Variants in ANK1 observed in about 807,000 individuals in gnomAD.
ANK1 encodes the protein ankyrin-1.
Under a neutral mutation model 210.4 loss-of-function variants are expected in ANK1, and 51 were observed. The observed-to-expected ratio is 0.24, with a 90% CI of 0.19 to 0.31. ANK1 has a LOEUF of 0.31. ANK1 is among the 10% of genes least tolerant of loss of function. The pLI, the probability that ANK1 is intolerant of heterozygous loss-of-function variation, is 1.00. For missense variants in ANK1, 2,051 were observed against 2,504.4 expected, an observed-to-expected ratio of 0.82 and a Z score of 3.86; for synonymous variants, 967 against 1,025.9, an observed-to-expected ratio of 0.94 and a Z score of 1.10.
intron 1 of ANK1, among the ~76,000 whole-genome samples, chr8:41,842,748 G>C (rs1319310731): frequency 6.6e-6 from 1 of 152,196 alleles, no homozygotes; most frequent in Non-Finnish European, 1.5e-5. Flanking sequence ...CTGGGCATTG[G>C]AAGGCGTGGA....
intron 1 of ANK1, among the ~76,000 whole-genome samples, chr8:41,888,446 G>A (rs376549682): frequency 9.3e-4 from 141 of 152,376 alleles, no homozygotes; most frequent in African/African-American, 3.2e-3. Context: ...AGCCAGGAGA[G>A]AGCTGCGGAG....
chr8:41,662,432 GC>G (rs1808718318), intron 40 of ANK1, among the ~76,000 whole-genome samples: 1 of 152,230 alleles, frequency 6.6e-6, no homozygotes, highest in Non-Finnish European at 1.5e-5. Context: ...CTGCTAGACA[GC>G]CCTGAAGGGG....
At chr8:41,859,640 C>T (rs543395752) in intron 1 of ANK1, among the ~76,000 whole-genome samples, 222 of 152,374 alleles carry the variant, frequency 1.5e-3, no homozygotes, top group African/African-American at 5.1e-3. Context: ...GGGCTGCGCC[C>T]AGCCTTAGTG....
chr8:41,736,995 C>T (rs1297840967), intron 2 of ANK1, among the ~76,000 whole-genome samples: 4 of 152,156 alleles, frequency 2.6e-5, no homozygotes, highest in East Asian at 1.9e-4. Flanking sequence ...GTTTTCTCCC[C>T]GCTAAAAACT....
chr8:41,682,738 G>A (rs539710649), intron 37 of ANK1, among the ~76,000 whole-genome samples: 2 of 152,340 alleles, frequency 1.3e-5, no homozygotes, highest in African/African-American at 4.8e-5. Flanking sequence ...ATGTGGCTCT[G>A]GTGGCCCATT....
chr8:41,868,991 T>A (rs1236903294), intron 1 of ANK1, among the ~76,000 whole-genome samples: 1 of 152,158 alleles, frequency 6.6e-6, no homozygotes, highest in East Asian at 1.9e-4. Context: ...AATATTTACG[T>A]AAAACCATTT....
chr8:41,764,960 A>G (rs889908353), intron 1 of ANK1, among the ~76,000 whole-genome samples: 2 of 152,214 alleles, frequency 1.3e-5, no homozygotes, highest in Non-Finnish European at 2.9e-5. Flanking sequence ...TAACTTGTCC[A>G]AAGTCACATA....
At chr8:41,823,637 G>A (rs1202362936) in intron 1 of ANK1, among the ~76,000 whole-genome samples, 3 of 151,948 alleles carry the variant, frequency 2.0e-5, no homozygotes, top group Admixed American at 6.6e-5. Flanking sequence ...GGTGGCATGA[G>A]TCTGTAGTTC....
chr8:41,870,883 C>T (rs1234178602), intron 1 of ANK1, among the ~76,000 whole-genome samples: 1 of 152,166 alleles, frequency 6.6e-6, no homozygotes, highest in Admixed American at 6.5e-5. Context: ...GCTTGGCGAA[C>T]ACTCCTTCTG....
chr8:41,660,643 C>T (rs1807751671), intron 42 of ANK1: 1 of 426,808 alleles, frequency 2.3e-6, no homozygotes, highest in South Asian at 1.7e-5. Flanking sequence ...GCTCTGTGGC[C>T]ACACTGCCCC....
intron 1 of ANK1, among the ~76,000 whole-genome samples, chr8:41,864,001 T>C (rs904691452): frequency 6.6e-6 from 1 of 152,118 alleles, no homozygotes; most frequent in African/African-American, 2.4e-5. Flanking sequence ...TCCCAGCACT[T>C]TGGGAGGCCG....
chr8:41,771,568 ACT>A (rs1483514329), intron 1 of ANK1, among the ~76,000 whole-genome samples: 2 of 152,052 alleles, frequency 1.3e-5, no homozygotes, highest in Non-Finnish European at 2.9e-5. Context: ...AAGGCTAAAG[ACT>A]CTCGGCAGAC....
intron 3 of ANK1, among the ~76,000 whole-genome samples, chr8:41,732,610 G>A (rs111685774): frequency 0.017 from 2,598 of 151,686 alleles, 72 homozygotes; most frequent in African/African-American, 0.057. Flanking sequence ...ATGGGGTTTC[G>A]CCATGTTGGC....
chr8:41,848,336 C>T (rs1281515529), intron 1 of ANK1, among the ~76,000 whole-genome samples: 4 of 152,192 alleles, frequency 2.6e-5, no homozygotes, highest in African/African-American at 9.7e-5. Flanking sequence ...AACTTTCCAC[C>T]GTAGAGTAAG....
chr8:41,869,004 TA>T (rs1814995708), intron 1 of ANK1, among the ~76,000 whole-genome samples: 1 of 152,218 alleles, frequency 6.6e-6, no homozygotes, highest in Non-Finnish European at 1.5e-5. Context: ...AACCATTTCC[TA>T]TTCGTTGGCA....
At chr8:41,812,851 G>A (rs1587144914) in intron 1 of ANK1, among the ~76,000 whole-genome samples, 2 of 152,142 alleles carry the variant, frequency 1.3e-5, no homozygotes, top group Non-Finnish European at 2.9e-5. Context: ...ACTCCTATGA[G>A]AATCTGATGC....
intron 1 of ANK1, among the ~76,000 whole-genome samples, chr8:41,805,564 A>G (rs530058889): frequency 6.6e-6 from 1 of 152,224 alleles, no homozygotes; most frequent in East Asian, 1.9e-4. Context: ...GCTTTTTCTT[A>G]AATGTGACTT....
At chr8:41,776,684 T>C (rs1210598275) in intron 1 of ANK1, among the ~76,000 whole-genome samples, 1 of 152,084 alleles carries the variant, frequency 6.6e-6, no homozygotes, top group Admixed American at 6.6e-5. Flanking sequence ...ACTGCAGAGG[T>C]TTCCTCTCTC....
At chr8:41,799,557 A>G (rs1214517576), upstream of ANK1, among the ~76,000 whole-genome samples, 1 of 152,210 alleles carries the variant, frequency 6.6e-6, no homozygotes, top group Non-Finnish European at 1.5e-5. Context: ...AGAGTGTCAC[A>G]TGATGTAGGA....
Sources: allele counts gnomAD v4.1 joint callset (sites outside exome capture counted in the v4.1 genomes callset), GRCh38; gene constraint gnomAD v4.1.1; transcripts MANE v1.5; gene names NCBI Gene and HGNC (gene_info 2026-07-23, HGNC 2026-07-21).